TENM3: variants seen among roughly 807,000 people sequenced by gnomAD.
The protein encoded by TENM3 is teneurin-3.
In TENM3, 63 loss-of-function variants were observed where a neutral mutation model predicts 255.1. That is an observed-to-expected ratio of 0.25 (90% CI 0.20 to 0.30). The LOEUF (loss-of-function observed/expected upper bound fraction) is 0.30. Among genes scored for constraint, TENM3 ranks in the 10% least tolerant of loss-of-function variants. The probability of loss-of-function intolerance (pLI) is 1.00; values close to 1 mark genes in which losing one functional copy is unlikely to be tolerated. For missense variants in TENM3, 2,929 were observed against 3,461.1 expected (o/e 0.85, Z 3.86); for synonymous variants, 1,306 against 1,322.3 (o/e 0.99, Z 0.27).
chr4:182,770,069 G>A (rs1220039120), intron 22 of TENM3, among the ~76,000 whole-genome samples: 1 of 147,530 alleles, frequency 6.8e-6, no homozygotes, highest in African/African-American at 2.5e-5. Context: ...TCATGCCACT[G>A]CATTCCAGTC....
chr4:182,068,115 T>A, the TENM3 span, among the ~76,000 whole-genome samples: 2 of 152,148 alleles, frequency 1.3e-5, no homozygotes, highest in Non-Finnish European at 2.9e-5. Flanking sequence ...GTTCTGTAGT[T>A]GATGGGTGGC....
At chr4:181,685,648 A>G in the TENM3 span, among the ~76,000 whole-genome samples, 1 of 152,194 alleles carries the variant, frequency 6.6e-6, no homozygotes, top group Non-Finnish European at 1.5e-5. Context: ...ACACTGAATC[A>G]TACCTAAAGA....
chr4:182,401,037 G>C (rs1424549431), intron 3 of TENM3, among the ~76,000 whole-genome samples: 1 of 152,188 alleles, frequency 6.6e-6, no homozygotes, highest in Non-Finnish European at 1.5e-5. Context: ...GCGATGGAGA[G>C]AAATATTATA....
At chr4:181,719,254 A>T in the TENM3 span, among the ~76,000 whole-genome samples, 36 of 150,350 alleles carry the variant, frequency 2.4e-4, no homozygotes, top group African/African-American at 6.1e-4. Flanking sequence ...TAAAAATGAA[A>T]ATATATATAT....
At chr4:182,009,755 C>T in the TENM3 span, among the ~76,000 whole-genome samples, 1 of 152,174 alleles carries the variant, frequency 6.6e-6, no homozygotes, top group Admixed American at 6.5e-5. Flanking sequence ...CCTGGGAGTT[C>T]GGTTGGCTTA....
At chr4:182,662,874 A>G (rs1754346276) in intron 6 of TENM3, among the ~76,000 whole-genome samples, 1 of 152,212 alleles carries the variant, frequency 6.6e-6, no homozygotes, top group African/African-American at 2.4e-5. Flanking sequence ...AACACACTTG[A>G]CTTGTCCAAA....
At chr4:181,844,173 C>T in the TENM3 span, among the ~76,000 whole-genome samples, 564 of 152,176 alleles carry the variant, frequency 3.7e-3, 6 homozygotes, top group African/African-American at 0.013. Context: ...GGCCATTAAC[C>T]CATTCATGGA....
chr4:182,778,965 TGAA>T (rs1214895421), intron 24 of TENM3, among the ~76,000 whole-genome samples: 1 of 151,352 alleles, frequency 6.6e-6, no homozygotes, highest in African/African-American at 2.4e-5. Context: ...TTTAATGTCT[TGAA>T]GAATTGTTAG....
rs577237716 is a variant in TENM3, at chr4:182,684,561, A to AT, written c.2035+2548dup. Among the ~76,000 whole-genome samples the AT allele has an allele frequency of 1.1e-4, 16 of 152,154 alleles. No homozygotes were observed. In the East Asian group the frequency reaches 2.9e-3, roughly 28 times the overall value. ...ATGGAGATAATTACAGGACTACTTT[A>AT]TACAGTTGAGGTAAGGCTTAAATGA... On this transcript the variant is annotated intron_variant, in intron 11 of 27. Transcript: ENST00000511685.
At chr4:181,762,981 T>A in the TENM3 span, among the ~76,000 whole-genome samples, 1 of 151,822 alleles carries the variant, frequency 6.6e-6, no homozygotes, top group Non-Finnish European at 1.5e-5. Flanking sequence ...AAGGGAAAAA[T>A]TCACATAATG....
intron 3 of TENM3, among the ~76,000 whole-genome samples, chr4:182,542,873 A>G (rs999037917): frequency 6.6e-6 from 1 of 152,212 alleles, no homozygotes; most frequent in Non-Finnish European, 1.5e-5. Context: ...GCTTTTAACT[A>G]TGCATTAAGC....
the TENM3 span, among the ~76,000 whole-genome samples, chr4:181,613,543 G>A: frequency 2.1e-3 from 325 of 152,308 alleles, 1 homozygote; most frequent in Middle Eastern, 0.024. Context: ...AAGGTCTACT[G>A]TGCTGGGAAC....
chr4:181,661,603 C>A, the TENM3 span, among the ~76,000 whole-genome samples: 1 of 152,080 alleles, frequency 6.6e-6, no homozygotes, highest in African/African-American at 2.4e-5. Context: ...TTACTAGCCC[C>A]TACTGAATTG....
intron 3 of TENM3, among the ~76,000 whole-genome samples, chr4:182,498,871 C>G (rs956215886): frequency 6.6e-6 from 1 of 150,540 alleles, no homozygotes; most frequent in Non-Finnish European, 1.5e-5. Context: ...AAAAAAAATT[C>G]TCAGCGTCTT....
chr4:181,468,132 C>CAA, the TENM3 span, among the ~76,000 whole-genome samples: 1 of 130,740 alleles, frequency 7.6e-6, no homozygotes, highest in Non-Finnish European at 1.6e-5. Context: ...CCCATCTGTA[C>CAA]AAAAAAAAAA....
chr4:182,356,775 G>A (rs1765570957), intron 3 of TENM3, among the ~76,000 whole-genome samples: 1 of 151,540 alleles, frequency 6.6e-6, no homozygotes, highest in African/African-American at 2.4e-5. Flanking sequence ...GTGCAGGTTA[G>A]CTACATATGT....
the TENM3 span, among the ~76,000 whole-genome samples, chr4:181,904,885 T>A: frequency 1.3e-5 from 2 of 152,188 alleles, no homozygotes; most frequent in African/African-American, 4.8e-5. Context: ...TTTCCCATGC[T>A]GTTCTCATGA....
At chr4:182,726,703 A>G (rs925345482) in intron 13 of TENM3, among the ~76,000 whole-genome samples, 9 of 152,184 alleles carry the variant, frequency 5.9e-5, no homozygotes, top group African/African-American at 2.2e-4. Flanking sequence ...GGGTCTGGGG[A>G]AGCACAGCGT....
the TENM3 span, among the ~76,000 whole-genome samples, chr4:181,539,903 G>C: frequency 1.3e-5 from 2 of 152,192 alleles, no homozygotes; most frequent in South Asian, 4.2e-4. Context: ...AACTATTTGG[G>C]CATATTACAA....
Sources: allele counts gnomAD v4.1 joint callset (sites outside exome capture counted in the v4.1 genomes callset), GRCh38; gene constraint gnomAD v4.1.1; transcripts MANE v1.5; gene names NCBI Gene and HGNC (gene_info 2026-07-23, HGNC 2026-07-21).